The following NLGN4X variants were observed in gnomAD, a reference collection of about 807,000 sequenced individuals.
The protein encoded by NLGN4X is neuroligin 4 X-linked, also known as neuroligin-4, X-linked.
Under a neutral mutation model 40.3 loss-of-function variants are expected in NLGN4X, and 3 were observed. The ratio of observed to expected loss-of-function variants is 0.07; its 90% CI spans 0.03 to 0.19. NLGN4X has a LOEUF of 0.19. Among genes scored for constraint, NLGN4X ranks in the 10% least tolerant of loss-of-function variants. NLGN4X has a pLI of 1.00. For synonymous variants in NLGN4X, 270 were observed against 306.8 expected (o/e 0.88, Z 1.25); for missense variants, 382 against 708.3 (o/e 0.54, Z 5.23).
chrX:6,086,871 T>C (rs1364095808), intron 2 of NLGN4X, among the ~76,000 whole-genome samples: 1 of 111,061 alleles, frequency 9.0e-6, no homozygotes, highest in South Asian at 3.9e-4. Flanking sequence ...TGGCCTCAAG[T>C]GATCCTCACT....
At chrX:6,114,840 AGC>A (rs1246764956) in intron 2 of NLGN4X, among the ~76,000 whole-genome samples, 1 of 111,302 alleles carries the variant, frequency 9.0e-6, no homozygotes, top group Non-Finnish European at 1.9e-5. Flanking sequence ...CTTGTCACAA[AGC>A]CTCACCATCG....
chrX:5,925,143 T>C (rs2033223270), intron 3 of NLGN4X, among the ~76,000 whole-genome samples: 1 of 112,026 alleles, frequency 8.9e-6, no homozygotes, highest in Non-Finnish European at 1.9e-5. Context: ...GGTGAAAATA[T>C]ATTCTTTCTA....
rs751074223 is a variant in NLGN4X at position 6,112,776 on chromosome X, G to A, written c.472+38219C>T. Among the ~76,000 whole-genome samples the A allele has an allele frequency of 1.0e-4, 11 of 109,764 alleles. No homozygotes were observed. The South Asian group carries it at 1.6e-3, about 16-fold the overall frequency. ...CTGCTTTCTTAAGTGTAGGCTGCAC[G>A]TAGTGACCTCTTTCCACAGGGTACA... On this transcript the variant is annotated intron_variant, in intron 2 of 5. Transcript: ENST00000381095.
intron 3 of NLGN4X, among the ~76,000 whole-genome samples, chrX:5,925,990 G>C (rs1442476347): frequency 1.1e-5 from 1 of 91,980 alleles, no homozygotes; most frequent in East Asian, 3.8e-4. Context: ...TATTGATATG[G>C]TTTGGCTGTG....
chrX:6,046,488 A>G (rs1009506810), intron 2 of NLGN4X, among the ~76,000 whole-genome samples: 1 of 111,661 alleles, frequency 9.0e-6, no homozygotes, highest in Non-Finnish European at 1.9e-5. Flanking sequence ...AGGGAGTTAT[A>G]ACAATCTCAA....
chrX:6,095,098 C>CGT (rs1308618584), intron 2 of NLGN4X, among the ~76,000 whole-genome samples: 178 of 22,227 alleles, frequency 8.0e-3, no homozygotes, highest in Admixed American at 0.01. Flanking sequence ...TAAGTACGTG[C>CGT]GTGCGTGTGT....
At chrX:5,929,535 T>C (rs1280741345) in intron 3 of NLGN4X, among the ~76,000 whole-genome samples, 1 of 111,825 alleles carries the variant, frequency 8.9e-6, no homozygotes. Context: ...TACATATATA[T>C]ACACACCTAC....
intron 1 of NLGN4X, among the ~76,000 whole-genome samples, chrX:6,183,524 A>G (rs1366954274): frequency 2.7e-5 from 3 of 109,537 alleles, no homozygotes; most frequent in Non-Finnish European, 5.7e-5. Context: ...TCCAGCCTGG[A>G]CGAGAGAGCA....
At chrX:6,212,419 G>A (rs1250887017) in intron 1 of NLGN4X, among the ~76,000 whole-genome samples, 1 of 111,187 alleles carries the variant, frequency 9.0e-6, no homozygotes, top group Non-Finnish European at 1.9e-5. Context: ...AAGGTTAAGA[G>A]GATGATATCA....
chrX:6,194,829 T>C (rs1010709342), intron 1 of NLGN4X, among the ~76,000 whole-genome samples: 10 of 111,500 alleles, frequency 9.0e-5, no homozygotes, highest in African/African-American at 2.9e-4. Flanking sequence ...TTATTTTACA[T>C]TGGGAAAAAA....
chrX:6,011,910 G>T (rs1352170800), intron 3 of NLGN4X, among the ~76,000 whole-genome samples: 1 of 111,022 alleles, frequency 9.0e-6, no homozygotes, highest in Non-Finnish European at 1.9e-5. Context: ...CTATGAAACA[G>T]TTGAGTTTGA....
intron 3 of NLGN4X, among the ~76,000 whole-genome samples, chrX:5,956,127 T>C (rs996942272): frequency 5.5e-5 from 6 of 108,352 alleles, no homozygotes; most frequent in Non-Finnish European, 1.1e-4. Context: ...AAATTAAATA[T>C]AGATAATATA....
chrX:5,926,134 T>G (rs1446056243), intron 3 of NLGN4X, among the ~76,000 whole-genome samples: 1 of 103,965 alleles, frequency 9.6e-6, no homozygotes, highest in African/African-American at 3.5e-5. Flanking sequence ...TTTCACAAGA[T>G]CTGATGGTTT....
chrX:6,191,075 T>G (rs1922495090), intron 1 of NLGN4X, among the ~76,000 whole-genome samples: 1 of 109,834 alleles, frequency 9.1e-6, no homozygotes, highest in South Asian at 3.8e-4. Flanking sequence ...CTTTCTACTT[T>G]TATTTGTTTC....
intron 2 of NLGN4X, among the ~76,000 whole-genome samples, chrX:6,097,921 GA>G (rs1206809708): frequency 3.8e-5 from 4 of 105,428 alleles, no homozygotes; most frequent in Admixed American, 1.0e-4. Context: ...CCTTTGGGAA[GA>G]AAAAAAAAAG....
At chrX:6,109,252 G>C (rs888383223) in intron 2 of NLGN4X, among the ~76,000 whole-genome samples, 1 of 111,536 alleles carries the variant, frequency 9.0e-6, no homozygotes, top group African/African-American at 3.3e-5. Context: ...GGTTGATAGA[G>C]CAAGACCCAG....
intron 3 of NLGN4X, among the ~76,000 whole-genome samples, chrX:5,927,691 T>C (rs1003877576): frequency 6.2e-5 from 7 of 112,444 alleles, no homozygotes; most frequent in African/African-American, 2.3e-4. Flanking sequence ...ACCACACATC[T>C]GGTAATGATT....
chrX:6,225,005 TATATATACAC>T (rs1375626229), intron 1 of NLGN4X, among the ~76,000 whole-genome samples: 122 of 55,632 alleles, frequency 2.2e-3, no homozygotes, highest in African/African-American at 4.3e-3. Flanking sequence ...TATATATATA[TATATATACAC>T]ACACACACAC....
Position 5,893,220 on chromosome X carries a change from G to A in NLGN4X, c.2048C>T (p.Ala683Val), listed in dbSNP as rs776811140. 1 of 1,211,183 alleles carries A rather than the reference G, an allele frequency of 8.3e-7. No homozygotes were observed. ...TAAGATGTTGAGGAAGAGGAGCGAC[G>A]CCCCGACGGCAATGGTGACACTTAA... ...TELSVTIAVGASLLFLNILAF... is the reference protein window; with the variant it reads ...TELSVTIAVGVSLLFLNILAF... The change falls in exon 6 of 6, where the codon GCG (alanine) becomes GTG (valine). Residue 683 changes from alanine to valine, a missense_variant. By Grantham distance (64) the Ala-to-Val change is moderately conservative. Coordinates refer to ENST00000381095, the MANE Select transcript of NLGN4X (RefSeq NM_181332.3).
Sources: allele counts gnomAD v4.1 joint callset (sites outside exome capture counted in the v4.1 genomes callset), GRCh38; gene constraint gnomAD v4.1.1; transcripts MANE v1.5; gene names NCBI Gene and HGNC (gene_info 2026-07-23, HGNC 2026-07-21).